Variants in ANK3 observed in about 807,000 individuals in gnomAD.
ANK3 encodes ankyrin-3.
A neutral mutation model predicts 370.9 loss-of-function variants in ANK3; 57 were observed. The observed-to-expected ratio is 0.15, with a 90% confidence interval of 0.12 to 0.19. The LOEUF (loss-of-function observed/expected upper bound fraction) is 0.19. Among genes scored for constraint, ANK3 ranks in the 10% least tolerant of loss-of-function variants. The probability of loss-of-function intolerance (pLI) is 1.00; values close to 1 mark genes in which losing one functional copy is unlikely to be tolerated. For synonymous variants in ANK3, 1,929 were observed against 1,946.3 expected, an observed-to-expected ratio of 0.99 and a Z score of 0.23; for missense variants, 4,439 against 5,302.1, an observed-to-expected ratio of 0.84 and a Z score of 5.06.
chr10:60,713,037 A>G (rs75361555), intron 1 of ANK3, among the ~76,000 whole-genome samples: 6,122 of 152,298 alleles, frequency 0.04, 158 homozygotes, highest in Middle Eastern at 0.071. Context: ...TTTATCAGTA[A>G]TTGACAGATC....
chr10:60,244,907 C>A (rs919540755), intron 7 of ANK3, among the ~76,000 whole-genome samples: 2 of 152,206 alleles, frequency 1.3e-5, no homozygotes, highest in Non-Finnish European at 2.9e-5. Flanking sequence ...CGGTGGCTCA[C>A]GCCTGTAATC....
intron 2 of ANK3, among the ~76,000 whole-genome samples, chr10:60,600,172 G>A (rs2078041164): frequency 6.6e-6 from 1 of 152,132 alleles, no homozygotes; most frequent in African/African-American, 2.4e-5. Context: ...TGTTCCAAGT[G>A]CTAGGAGATA....
At chr10:60,177,677 G>A (rs1374744048) in intron 18 of ANK3, among the ~76,000 whole-genome samples, 2 of 141,226 alleles carry the variant, frequency 1.4e-5, no homozygotes, top group Non-Finnish European at 3.0e-5. Context: ...GGCTCACTGC[G>A]AGCTCTGCTT....
chr10:60,207,461 GACA>G (rs1224169751), intron 10 of ANK3, among the ~76,000 whole-genome samples: 5 of 152,056 alleles, frequency 3.3e-5, no homozygotes, highest in African/African-American at 1.2e-4. Context: ...TTTTTGCAAA[GACA>G]ACAAGTACCA....
intron 42 of ANK3, chr10:60,050,667 C>T (rs546311404): frequency 2.0e-5 from 3 of 152,138 alleles, no homozygotes; most frequent in East Asian, 1.9e-4. Context: ...GATCTGATGA[C>T]GAAGTAATGA....
At chr10:60,141,569 T>TTTG (rs893787990) in intron 23 of ANK3, among the ~76,000 whole-genome samples, 5 of 59,162 alleles carry the variant, frequency 8.5e-5, no homozygotes, top group African/African-American at 2.3e-4. Context: ...CTGTTTTTTT[T>TTTG]TTTTTTTTTT....
At position 60,570,516 on chromosome 10, in the gene ANK3, G is replaced by A. The variant is rs187400894; in HGVS notation, c.96+44670C>T. ...CATCAGAAGAATGATTTAATTCAGG[G>A]ACTGGTAAAAACCCTGGTCTGGATA... On this transcript the variant is annotated intron_variant, in intron 2 of 43. Transcript: ENST00000373827. 2.0e-5 allele frequency among the ~76,000 whole-genome samples: 3 copies of A among 152,228 alleles called. No individual in the cohort carries two copies. In the East Asian group the frequency reaches 5.8e-4, roughly 29 times the overall value.
chr10:60,559,003 T>C (rs962271169), intron 2 of ANK3, among the ~76,000 whole-genome samples: 2 of 152,194 alleles, frequency 1.3e-5, no homozygotes, highest in Non-Finnish European at 2.9e-5. Flanking sequence ...CCTGTATTTA[T>C]AGGCCCCCAA....
intron 2 of ANK3, among the ~76,000 whole-genome samples, chr10:60,412,186 C>T (rs986226689): frequency 2.6e-5 from 4 of 151,920 alleles, no homozygotes; most frequent in Non-Finnish European, 5.9e-5. Context: ...GCAGGGTGCT[C>T]GGGGTGCATT....
In ANK3 at chr10:60,118,165, G is replaced by GT. The variant is rs1055692134; in HGVS notation, c.2842-3835dup. 1.8e-4 allele frequency among the ~76,000 whole-genome samples: 27 copies of GT among 152,304 alleles called. No homozygotes were observed. The East Asian group carries it at 4.1e-3, about 23-fold the overall frequency. Reference sequence around the variant, plus strand: ...GACTGAAGGTGTATATGGGGATTATGTTTTTTCCTAACAAGTGTGTCTTGT... The same window carrying GT: ...GACTGAAGGTGTATATGGGGATTATGTTTTTTTCCTAACAAGTGTGTCTTGT... On this transcript the variant is annotated intron_variant, in intron 25 of 43. Transcript: ENST00000280772.
chr10:60,713,660 C>T (rs1175141664), intron 1 of ANK3, among the ~76,000 whole-genome samples: 7 of 152,100 alleles, frequency 4.6e-5, no homozygotes, highest in Non-Finnish European at 8.8e-5. Context: ...GATGCCAAGG[C>T]GGGCAGATCA....
At chr10:60,095,650 T>C (rs561041437) in intron 28 of ANK3, among the ~76,000 whole-genome samples, 1 of 152,300 alleles carries the variant, frequency 6.6e-6, no homozygotes, top group African/African-American at 2.4e-5. Context: ...TCAAAGTATT[T>C]GGATTACAGG....
At chr10:60,063,601 A>T (rs1370605433) in intron 39 of ANK3, among the ~76,000 whole-genome samples, 1 of 152,198 alleles carries the variant, frequency 6.6e-6, no homozygotes, top group African/African-American at 2.4e-5. Flanking sequence ...TAGCATTTTA[A>T]TGACTTTCTA....
chr10:60,596,773 T>C (rs2077993805), intron 2 of ANK3, among the ~76,000 whole-genome samples: 1 of 152,150 alleles, frequency 6.6e-6, no homozygotes, highest in Non-Finnish European at 1.5e-5. Context: ...ATTAAAAAAA[T>C]GCAACTATTT....
chr10:60,353,936 G>T (rs2057336336), intron 1 of ANK3, among the ~76,000 whole-genome samples: 2 of 152,210 alleles, frequency 1.3e-5, no homozygotes. Context: ...CTCAGCCTGT[G>T]ACCAGGCACG....
chr10:60,598,554 A>G (rs187849842), intron 2 of ANK3, among the ~76,000 whole-genome samples: 2 of 152,336 alleles, frequency 1.3e-5, no homozygotes, highest in Admixed American at 1.3e-4. Context: ...TGCTCATGAA[A>G]GGAATTGCTG....
chr10:60,348,173 C>A (rs2056052648), intron 1 of ANK3, among the ~76,000 whole-genome samples: 1 of 152,018 alleles, frequency 6.6e-6, no homozygotes, highest in Non-Finnish European at 1.5e-5. Context: ...GGAGGCTCCT[C>A]CATCTTGCCT....
chr10:60,671,353 C>A (rs2079062403), intron 1 of ANK3, among the ~76,000 whole-genome samples: 2 of 152,174 alleles, frequency 1.3e-5, no homozygotes, highest in African/African-American at 4.8e-5. Flanking sequence ...TCTTCCCTCT[C>A]CCCTCCCAGC....
intron 27 of ANK3, among the ~76,000 whole-genome samples, chr10:60,106,262 C>T (rs1171285499): frequency 1.3e-5 from 2 of 152,070 alleles, no homozygotes; most frequent in Non-Finnish European, 2.9e-5. Context: ...CATTCACAAA[C>T]AGTTCTTGGA....
Sources: gnomAD v4.1 joint callset for allele counts (sites outside exome capture counted in the v4.1 genomes callset) on GRCh38, gnomAD v4.1.1 for gene constraint, MANE v1.5 for transcripts, NCBI Gene and HGNC (gene_info 2026-07-23, HGNC 2026-07-21) for gene names.